AJAP1: variants seen among roughly 807,000 people sequenced by gnomAD.
The protein encoded by AJAP1 is adherens junctions associated protein 1.
In AJAP1, 5 loss-of-function variants were observed where a neutral mutation model predicts 35.0. That is an observed-to-expected ratio of 0.14 (90% CI 0.07 to 0.30). AJAP1 has a LOEUF of 0.30. Among genes scored for constraint, AJAP1 ranks in the 10% least tolerant of loss-of-function variants. The probability of loss-of-function intolerance (pLI) is 1.00; values close to 1 mark genes in which losing one functional copy is unlikely to be tolerated. For synonymous variants in AJAP1, 284 were observed against 249.3 expected, an observed-to-expected ratio of 1.14 and a Z score of -1.31; for missense variants, 586 against 571.0, an observed-to-expected ratio of 1.03 and a Z score of -0.27.
intron 1 of AJAP1, among the ~76,000 whole-genome samples, chr1:4,661,306 A>C (rs923510209): frequency 1.7e-4 from 26 of 152,346 alleles, no homozygotes; most frequent in African/African-American, 6.3e-4. Context: ...GGCTTTTCCT[A>C]AGCCAGGCTT....
intron 1 of AJAP1, among the ~76,000 whole-genome samples, chr1:4,698,979 G>C (rs962807671): frequency 1.3e-5 from 2 of 152,130 alleles, no homozygotes; most frequent in Non-Finnish European, 2.9e-5. Flanking sequence ...CTGGTTCCCC[G>C]GTGCACCTGC....
intron 1 of AJAP1, among the ~76,000 whole-genome samples, chr1:4,677,512 G>A (rs1639387508): frequency 6.6e-6 from 1 of 151,912 alleles, no homozygotes; most frequent in Admixed American, 6.6e-5. Flanking sequence ...CTTTCCAGAG[G>A]GGATTCCACC....
At chr1:4,746,124 G>A (rs1570186139) in intron 2 of AJAP1, among the ~76,000 whole-genome samples, 1 of 152,164 alleles carries the variant, frequency 6.6e-6, no homozygotes, top group Admixed American at 6.5e-5. Flanking sequence ...CCCTCTGGAG[G>A]CTCCTGGGGA....
chr1:4,753,112 C>T (rs867518845), intron 2 of AJAP1, among the ~76,000 whole-genome samples: 2 of 152,214 alleles, frequency 1.3e-5, no homozygotes, highest in South Asian at 4.1e-4. Flanking sequence ...ATCATTGCTG[C>T]TGGAAGGGCC....
chr1:4,783,117 A>T lies in AJAP1; in HGVS notation c.*632A>T. On this transcript the variant is annotated 3_prime_UTR_variant, in exon 6 of 6. Coordinates refer to ENST00000378191, the MANE Select transcript of AJAP1 (RefSeq NM_018836.4). ...CCTTTTTAAAAAAAAGAATTGTGTT[A>T]TAGGTTACAAAATCTGATTTATTTA... 3.1e-6 allele frequency: 1 copy of T among 323,648 alleles called. No homozygotes were observed. Among genetic ancestry groups the T allele is most frequent in the South Asian group, 1.6e-4 (1 of 6,408 alleles). 20.0% of individuals were successfully genotyped at this position (323,648 alleles called of 1,614,324 possible). A position where few individuals can be genotyped will look rare whatever the true frequency, so the allele number is the denominator to read the frequency against.
chr1:4,668,338 G>A (rs6703379), intron 1 of AJAP1, among the ~76,000 whole-genome samples: 114,415 of 150,534 alleles, frequency 0.76, 43,684 homozygotes, highest in African/African-American at 0.79. Flanking sequence ...GTGTGTGTGC[G>A]TGTGCGTGTG....
chr1:4,745,256 G>T (rs1041762680), intron 2 of AJAP1, among the ~76,000 whole-genome samples: 1 of 152,132 alleles, frequency 6.6e-6, no homozygotes, highest in African/African-American at 2.4e-5. Flanking sequence ...GAGTTGTTTT[G>T]GAGCCCTCCC....
intron 1 of AJAP1, among the ~76,000 whole-genome samples, chr1:4,659,950 T>A (rs1055711591): frequency 2.0e-5 from 3 of 152,184 alleles, no homozygotes; most frequent in African/African-American, 7.2e-5. Context: ...AATTTCTGCA[T>A]AAACCGCCCC....
At chr1:4,764,251 C>T (rs12066439) in intron 2 of AJAP1, among the ~76,000 whole-genome samples, 41,081 of 152,168 alleles carry the variant, frequency 0.27, 6,027 homozygotes, top group Admixed American at 0.36. Flanking sequence ...TCTGCGGGGT[C>T]ACTCAGAAAA....
intron 1 of AJAP1, among the ~76,000 whole-genome samples, chr1:4,675,765 C>T (rs1036980832): frequency 2.0e-5 from 3 of 152,186 alleles, no homozygotes; most frequent in Admixed American, 6.5e-5. Context: ...TGGTTTACAC[C>T]AGCGACCAGG....
intron 5 of AJAP1, among the ~76,000 whole-genome samples, chr1:4,781,019 G>T (rs1223194298): frequency 1.3e-5 from 2 of 152,162 alleles, no homozygotes; most frequent in African/African-American, 4.8e-5. Flanking sequence ...GAGGGGTCCA[G>T]GGAAAGATCC....
At chr1:4,760,395 GTGTGTTCATGCA>G (rs1048770597) in intron 2 of AJAP1, among the ~76,000 whole-genome samples, 9 of 152,028 alleles carry the variant, frequency 5.9e-5, no homozygotes, top group Non-Finnish European at 7.4e-5. Flanking sequence ...GTTCATGCAT[GTGTGTTCATGCA>G]TGTGTTCATG....
chr1:4,745,365 TTC>T (rs1419743840), intron 2 of AJAP1, among the ~76,000 whole-genome samples: 1 of 151,904 alleles, frequency 6.6e-6, no homozygotes, highest in African/African-American at 2.4e-5. Context: ...GGCTCTGCCT[TTC>T]TCCCCCATTA....
chr1:4,723,664 C>T lies in AJAP1; in HGVS notation c.829+10965C>T, dbSNP rs1640578173. Among the ~76,000 whole-genome samples the T allele has an allele frequency of 6.6e-6, 1 of 152,074 alleles. No homozygotes were observed. Among genetic ancestry groups the T allele is most frequent in the Non-Finnish European group, 1.5e-5 (1 of 68,002 alleles). ...TGGAAGGGAGACGGGAGGTGAGCCG[C>T]AGATGCAGTGGGTGGAGCTGAATAT... On this transcript the variant is annotated intron_variant, in intron 2 of 5. Transcript: ENST00000378191. This position sits in a 1 kb window ranked among gnomAD's most constrained non-coding sequence, Gnocchi z 4.3.
chr1:4,745,864 G>C (rs1415222931), intron 2 of AJAP1, among the ~76,000 whole-genome samples: 1 of 152,118 alleles, frequency 6.6e-6, no homozygotes, highest in Non-Finnish European at 1.5e-5. Flanking sequence ...TTGGGGACAC[G>C]TGGTGGGAGC....
intron 3 of AJAP1, 148 bp from the exon 4 acceptor site, chr1:4,772,132 T>A: frequency 2.9e-6 from 3 of 1,030,838 alleles, no homozygotes; most frequent in Non-Finnish European, 4.2e-6. Context: ...GTGGTTGATC[T>A]TTCTGAAGAG....
rs1318562334 is a variant in AJAP1, at chr1:4,783,551, GTGTGTATATATATGTT to G, written c.*1080_*1095del. On this transcript the variant is annotated 3_prime_UTR_variant, in exon 6 of 6. Coordinates refer to ENST00000378191, the MANE Select transcript of AJAP1 (RefSeq NM_018836.4). Reference sequence around the variant, plus strand: ...TATATATATATATATATATGTTTGTGTGTGTATATATATGTTTGTGTATATATATACACATATGCAT... The same window carrying G: ...TATATATATATATATATATGTTTGTGTGTGTATATATATACACATATGCAT... 7.7e-5 allele frequency: 11 copies of G among 143,576 alleles called. No homozygotes were observed. Among genetic ancestry groups the G allele is most frequent in the South Asian group, 2.2e-4 (1 of 4,540 alleles). 8.9% of individuals were successfully genotyped at this position (143,576 alleles called of 1,614,324 possible).
chr1:4,686,476 A>G (rs1209242500), intron 1 of AJAP1, among the ~76,000 whole-genome samples: 2 of 152,154 alleles, frequency 1.3e-5, no homozygotes, highest in Admixed American at 1.3e-4. Context: ...GAATAACCCC[A>G]TCTCCAAAAG....
intron 2 of AJAP1, among the ~76,000 whole-genome samples, chr1:4,748,175 C>T (rs1365169828): frequency 6.6e-6 from 1 of 152,116 alleles, no homozygotes; most frequent in Non-Finnish European, 1.5e-5. Context: ...CTGCATCCTC[C>T]CCTCCCCGTC....
Sources: allele counts gnomAD v4.1 joint callset (sites outside exome capture counted in the v4.1 genomes callset), GRCh38; gene constraint gnomAD v4.1.1; non-coding constraint Gnocchi (gnomAD v3.1); transcripts MANE v1.5; gene names NCBI Gene and HGNC (gene_info 2026-07-23, HGNC 2026-07-21).